Variants in MITF observed in about 807,000 individuals in gnomAD.
MITF encodes the protein microphthalmia-associated transcription factor.
A neutral mutation model predicts 60.5 loss-of-function variants in MITF; 17 were observed. The observed-to-expected ratio is 0.28, with a 90% CI of 0.19 to 0.42. The LOEUF (loss-of-function observed/expected upper bound fraction) is 0.42. Among genes scored for constraint, MITF ranks in the 10% least tolerant of loss-of-function variants. MITF has a pLI of 1.00. For synonymous variants in MITF, 260 were observed against 248.5 expected (o/e 1.05, Z -0.43); for missense variants, 622 against 683.5 (o/e 0.91, Z 1.00).
intron 1 of MITF, among the ~76,000 whole-genome samples, chr3:69,805,530 T>C (rs1282846086): frequency 6.6e-6 from 1 of 152,186 alleles, no homozygotes; most frequent in East Asian, 1.9e-4. Context: ...ATTTGCTTAT[T>C]TGTTGTTATC....
chr3:69,770,578 G>A (rs2106836272), intron 1 of MITF, among the ~76,000 whole-genome samples: 1 of 152,306 alleles, frequency 6.6e-6, no homozygotes, highest in South Asian at 2.1e-4. Context: ...TTCTAAGAGT[G>A]AGATCCTTTC....
At chr3:69,833,879 C>G (rs913858507) in intron 1 of MITF, among the ~76,000 whole-genome samples, 2 of 152,204 alleles carry the variant, frequency 1.3e-5, no homozygotes, top group African/African-American at 4.8e-5. Flanking sequence ...TTCCTTCAGC[C>G]TCTATTACTG....
intron 1 of MITF, among the ~76,000 whole-genome samples, chr3:69,805,809 C>G (rs1204723371): frequency 1.3e-5 from 2 of 152,056 alleles, no homozygotes; most frequent in African/African-American, 4.8e-5. Context: ...CAGGCATATG[C>G]CACCATGTCT....
chr3:69,850,693 T>A (rs919735847), intron 1 of MITF, among the ~76,000 whole-genome samples: 1 of 152,176 alleles, frequency 6.6e-6, no homozygotes, highest in African/African-American at 2.4e-5. Flanking sequence ...TAAAATGTTT[T>A]TCTTGGGCAT....
chr3:69,912,739 T>A (rs1405326738), intron 2 of MITF, among the ~76,000 whole-genome samples: 1 of 152,142 alleles, frequency 6.6e-6, no homozygotes, highest in Non-Finnish European at 1.5e-5. Context: ...CCTCTGTTGG[T>A]TAGAATATAA....
Position 69,797,345 on chromosome 3 carries a change from A to T in MITF, c.104+57644A>T, listed in dbSNP as rs1321612807. ...CGATGGAAATTTCTACAAATCATAT[A>T]AATGAAGACTTATTATAGCATCTAC... is the stretch of plus-strand genomic sequence containing the variant. On this transcript the variant is annotated intron_variant, in intron 1 of 9. Transcript: ENST00000352241. Among the ~76,000 whole-genome samples, 7 of 152,222 alleles carry T rather than the reference A, an allele frequency of 4.6e-5. No individual in the cohort carries two copies. In the East Asian group the frequency reaches 1.3e-3, roughly 29 times the overall value.
At chr3:69,880,981 T>C (rs1446685154) in intron 2 of MITF, among the ~76,000 whole-genome samples, 2 of 152,062 alleles carry the variant, frequency 1.3e-5, no homozygotes, top group Non-Finnish European at 2.9e-5. Flanking sequence ...GAGAGGAAAT[T>C]ACCCAAATGA....
chr3:69,922,101 C>T (rs1469834166), intron 2 of MITF, among the ~76,000 whole-genome samples: 1 of 152,200 alleles, frequency 6.6e-6, no homozygotes. Flanking sequence ...CTCCCTGTTT[C>T]CCCCACCTAA....
At chr3:69,960,811 T>C (rs567389388) in intron 9 of MITF, among the ~76,000 whole-genome samples, 3 of 152,330 alleles carry the variant, frequency 2.0e-5, no homozygotes, top group South Asian at 4.1e-4. Context: ...AATTCACTTA[T>C]AATAATGGTC....
intron 1 of MITF, among the ~76,000 whole-genome samples, chr3:69,765,711 A>G (rs1559617006): frequency 1.3e-5 from 2 of 152,256 alleles, no homozygotes; most frequent in Non-Finnish European, 2.9e-5. Flanking sequence ...GGTTTGGATT[A>G]GGAATACAAA....
intron 1 of MITF, among the ~76,000 whole-genome samples, chr3:69,759,458 A>T (rs1334997525): frequency 6.6e-6 from 1 of 152,162 alleles, no homozygotes; most frequent in Non-Finnish European, 1.5e-5. Context: ...ACCTTATTTA[A>T]CCTCAATTGG....
chr3:69,799,870 T>C (rs2062889537), intron 1 of MITF, among the ~76,000 whole-genome samples: 1 of 152,310 alleles, frequency 6.6e-6, no homozygotes, highest in South Asian at 2.1e-4. Context: ...TGCTGTGTGG[T>C]TATAAGGGGT....
chr3:69,814,834 G>A (rs1349515916), intron 1 of MITF, among the ~76,000 whole-genome samples: 3 of 152,136 alleles, frequency 2.0e-5, no homozygotes, highest in Non-Finnish European at 4.4e-5. Flanking sequence ...CAAAGGCTAA[G>A]TATTACCAGC....
intron 1 of MITF, among the ~76,000 whole-genome samples, chr3:69,775,673 A>G (rs1210599230): frequency 6.6e-6 from 1 of 152,240 alleles, no homozygotes; most frequent in Non-Finnish European, 1.5e-5. Context: ...TTAAAAATGA[A>G]TAGAGAAAAT....
At chr3:69,877,993 G>T (rs953953336) in intron 1 of MITF, among the ~76,000 whole-genome samples, 3 of 151,946 alleles carry the variant, frequency 2.0e-5, no homozygotes, top group Non-Finnish European at 4.4e-5. Context: ...TATAGAGAGA[G>T]AAATAAACAA....
intron 1 of MITF, among the ~76,000 whole-genome samples, chr3:69,788,702 A>T (rs2062691639): frequency 6.6e-6 from 1 of 152,192 alleles, no homozygotes. Flanking sequence ...AAAACACATT[A>T]CAAAACTACA....
At chr3:69,911,410 C>T (rs189415875) in intron 2 of MITF, among the ~76,000 whole-genome samples, 2 of 152,290 alleles carry the variant, frequency 1.3e-5, no homozygotes, top group East Asian at 3.9e-4. Flanking sequence ...TCAAGCAATC[C>T]TCCTGCCTCT....
intron 1 of MITF, among the ~76,000 whole-genome samples, chr3:69,750,252 G>A (rs1254974046): frequency 6.6e-6 from 1 of 151,962 alleles, no homozygotes; most frequent in African/African-American, 2.4e-5. Flanking sequence ...CTGGCTACAT[G>A]TCCTTATCAC....
At chr3:69,788,985 A>G (rs958231427) in intron 1 of MITF, among the ~76,000 whole-genome samples, 6 of 152,210 alleles carry the variant, frequency 3.9e-5, no homozygotes, top group African/African-American at 1.4e-4. Flanking sequence ...CAAAACTATA[A>G]AACTCCTAGA....
Sources: gnomAD v4.1 joint callset for allele counts (sites outside exome capture counted in the v4.1 genomes callset) on GRCh38, gnomAD v4.1.1 for gene constraint, MANE v1.5 for transcripts, NCBI Gene and HGNC (gene_info 2026-07-23, HGNC 2026-07-21) for gene names.